The following A4GNT variants were observed in gnomAD, a reference collection of about 807,000 sequenced individuals.
The protein encoded by A4GNT is alpha-1,4-N-acetylglucosaminyltransferase.
In A4GNT, 6 loss-of-function variants were observed where a neutral mutation model predicts 8.3. The ratio of observed to expected loss-of-function variants is 0.72; its 90% CI spans 0.39 to 1.42. The LOEUF is 1.42. Among genes scored for constraint, A4GNT ranks in the 40% most tolerant of loss-of-function variants. A4GNT has a pLI of 0.02. For synonymous variants in A4GNT, 157 were observed against 159.8 expected (o/e 0.98, Z 0.13); for missense variants, 377 against 417.0 (o/e 0.90, Z 0.84).
intron 2 of A4GNT, 56 bp downstream of exon 2, chr3:138,130,793 C>A: frequency 6.4e-7 from 1 of 1,562,562 alleles, no homozygotes; most frequent in East Asian, 2.2e-5. Flanking sequence ...AGTCCTTACC[C>A]TCAGTTTACC....
rs2042735355 is a variant in A4GNT at position 138,124,746 on chromosome 3, A to T, written c.541T>A (p.Phe181Ile). The change falls in exon 3 of 3, where the codon TTT becomes ATT. Residue 181 changes from phenylalanine (F) to isoleucine (I), a missense_variant. Coordinates refer to ENST00000236709, the MANE Select transcript of A4GNT (RefSeq NM_016161.3). Reference protein sequence around the residue: ...ISIRPIPEENFLAAQASRYSS... With the variant: ...ISIRPIPEENILAAQASRYSS... ...TACCGAGAAGCCTGCGCAGCCAAAA[A>T]GTTCTCCTCAGGGATGGGCCTGATG... 6.2e-7 allele frequency: 1 copy of T among 1,614,202 alleles called. No homozygotes were observed. The highest frequency in any genetic ancestry group is 8.5e-7 in the Non-Finnish European group (1 of 1,180,034).
intron 1 of A4GNT, among the ~76,000 whole-genome samples, chr3:138,131,611 TG>T (rs1176988881): frequency 6.6e-6 from 1 of 151,816 alleles, no homozygotes; most frequent in East Asian, 1.9e-4. Flanking sequence ...GAAAGAAAAA[TG>T]CATCATAACC....
intron 1 of A4GNT, among the ~76,000 whole-genome samples, chr3:138,131,563 T>TA (rs1208227609): frequency 2.7e-5 from 4 of 147,442 alleles, no homozygotes; most frequent in East Asian, 2.0e-4. Flanking sequence ...CACAAAAATT[T>TA]AAAAAAAAAG....
At chr3:138,128,750 C>T (rs1576522927) in intron 2 of A4GNT, among the ~76,000 whole-genome samples, 1 of 152,202 alleles carries the variant, frequency 6.6e-6, no homozygotes, top group East Asian at 1.9e-4. Context: ...GCCACAAAGA[C>T]CAAGCTGGGG....
rs2042730467 is a variant in A4GNT at position 138,124,183 on chromosome 3, G to A, written c.*81C>T. 1 of 1,532,956 alleles carries A rather than the reference G, an allele frequency of 6.5e-7. No homozygotes were observed. The highest frequency in any genetic ancestry group is 8.8e-7 in the Non-Finnish European group (1 of 1,136,160). The allele number at this position is 1,532,956 out of a possible 1,614,324, so 95.0% of individuals were successfully genotyped here. On this transcript the variant is annotated 3_prime_UTR_variant, in exon 3 of 3. Coordinates refer to ENST00000236709, the MANE Select transcript of A4GNT (RefSeq NM_016161.3). ...CAACCCTCTGCCCACCCCGCCAAGA[G>A]ACAGTGGAGATCAAGTGAAAATGTG...
chr3:138,127,118 C>CAAAAAAAAAAAA (rs898641661), intron 2 of A4GNT, among the ~76,000 whole-genome samples: 1 of 34,076 alleles, frequency 2.9e-5, no homozygotes, highest in Non-Finnish European at 6.8e-5. Flanking sequence ...GACTCCATCT[C>CAAAAAAAAAAAA]AAAAAAAAAA....
chr3:138,132,838 A>G (rs896466100), upstream of A4GNT, among the ~76,000 whole-genome samples: 2 of 152,244 alleles, frequency 1.3e-5, no homozygotes, highest in African/African-American at 4.8e-5. Flanking sequence ...CCAAAGGCCC[A>G]GTGATCTAGA....
chr3:138,130,506 G>GA (rs146157613), intron 2 of A4GNT, among the ~76,000 whole-genome samples: 50 of 147,150 alleles, frequency 3.4e-4, no homozygotes, highest in African/African-American at 1.0e-3. Context: ...CACTTTAGGT[G>GA]AAAAAAAAAA....
intron 2 of A4GNT, among the ~76,000 whole-genome samples, chr3:138,127,435 A>G (rs1403563505): frequency 2.0e-5 from 3 of 151,784 alleles, no homozygotes; most frequent in Admixed American, 1.3e-4. Flanking sequence ...TTAGCTGGGC[A>G]TGGTGGTGCG....
At chr3:138,131,975 T>C (rs997820952) in intron 1 of A4GNT, among the ~76,000 whole-genome samples, 2 of 152,148 alleles carry the variant, frequency 1.3e-5, no homozygotes, top group Admixed American at 1.3e-4. Flanking sequence ...TTGTAACCAA[T>C]GCAATAAAAC....
rs527276076 is a variant in A4GNT at position 138,123,961 on chromosome 3, G to A, written c.*303C>T. On this transcript the variant is annotated 3_prime_UTR_variant, in exon 3 of 3. Transcript: ENST00000236709. ...TGCAATGTAAGAGAAAGTGTTATACGGTACTTGCAGGAAGTCTTCACAAAA... is the reference window on the plus strand; with the variant it reads ...TGCAATGTAAGAGAAAGTGTTATACAGTACTTGCAGGAAGTCTTCACAAAA... The A allele has an allele frequency of 3.1e-5, 10 of 319,736 alleles. No homozygotes were observed. Among genetic ancestry groups the A allele is most frequent in the Admixed American group, 1.4e-4 (3 of 21,674 alleles). The allele number at this position is 319,736 out of a possible 1,614,324, so 19.8% of individuals were successfully genotyped here. A position where few individuals can be genotyped will look rare whatever the true frequency, so the allele number is the denominator to read the frequency against.
Position 138,127,591 on chromosome 3 carries a change from A to T in A4GNT, c.409-2713T>A, listed in dbSNP as rs375478175. On this transcript the variant is annotated intron_variant, in intron 2 of 2. Transcript: ENST00000236709. ...TCCGTCTCAAAAAAAAAAAAAACAAAAAACATAAGCGCTCCAATAAGGATG... is the reference window on the plus strand; with the variant it reads ...TCCGTCTCAAAAAAAAAAAAAACAATAAACATAAGCGCTCCAATAAGGATG... Among the ~76,000 whole-genome samples the T allele has an allele frequency of 3.9e-4, 59 of 152,126 alleles. No individual in the cohort carries two copies. The East Asian group carries it at 9.1e-3, about 23-fold the overall frequency.
chr3:138,124,090 T>C lies in A4GNT; in HGVS notation c.*174A>G. ...AAATGGACCATGGGTGTATGTTTTA[T>C]AGCCAGTATCATTTGGGATTTTTCT... On this transcript the variant is annotated 3_prime_UTR_variant, in exon 3 of 3. Transcript: ENST00000236709. 1 of 825,372 alleles carries C rather than the reference T, an allele frequency of 1.2e-6. No individual in the cohort carries two copies. The highest frequency in any genetic ancestry group is 1.8e-6 in the Non-Finnish European group (1 of 546,894). 51.1% of individuals were successfully genotyped at this position (825,372 alleles called of 1,614,324 possible). A position where few individuals can be genotyped will look rare whatever the true frequency, so the allele number is the denominator to read the frequency against.
rs201675669 is a variant in A4GNT, at chr3:138,131,064, G to T, written c.193C>A (p.His65Asn). The change falls in exon 2 of 3, where the codon CAT (histidine) becomes AAT (asparagine). Residue 65 changes from histidine to asparagine, a missense_variant. Coordinates refer to ENST00000236709, the MANE Select transcript of A4GNT (RefSeq NM_016161.3). Reference protein sequence around the residue: ...LETSERMEPPHLVSCSVESAA... With the variant: ...LETSERMEPPNLVSCSVESAA... ...GACTCTACGGAACAGGAGACCAAAT[G>T]GGGTGGCTCCATTCTCTCTGAGGTC... The T allele has an allele frequency of 7.4e-6, 12 of 1,613,810 alleles. No homozygotes were observed. Among genetic ancestry groups the T allele is most frequent in the Non-Finnish European group, 9.3e-6 (11 of 1,179,762 alleles).
chr3:138,124,079 T>C lies in A4GNT; in HGVS notation c.*185A>G. ...GTCAAGCAGTCAAATGGACCATGGG[T>C]GTATGTTTTATAGCCAGTATCATTT... On this transcript the variant is annotated 3_prime_UTR_variant, in exon 3 of 3. Coordinates refer to ENST00000236709, the MANE Select transcript of A4GNT (RefSeq NM_016161.3). The C allele has an allele frequency of 1.4e-6, 1 of 735,024 alleles. No individual in the cohort carries two copies. The highest frequency in any genetic ancestry group is 2.1e-6 in the Non-Finnish European group (1 of 471,672). 45.5% of individuals were successfully genotyped at this position (735,024 alleles called of 1,614,324 possible). A position where few individuals can be genotyped will look rare whatever the true frequency, so the allele number is the denominator to read the frequency against.
At chr3:138,127,000 TG>T (rs1475733621) in intron 2 of A4GNT, among the ~76,000 whole-genome samples, 1 of 139,248 alleles carries the variant, frequency 7.2e-6, no homozygotes, top group Non-Finnish European at 1.5e-5. Context: ...GGCATGGTGG[TG>T]GGCACCTGTA....
Position 138,124,695 on chromosome 3 carries a change from G to A in A4GNT, c.592C>T (p.Leu198Phe), listed in dbSNP as rs149488891. 52 of 1,614,108 alleles carry A rather than the reference G, an allele frequency of 3.2e-5. No individual in the cohort carries two copies. Among genetic ancestry groups the A allele is most frequent in the Admixed American group, 2.5e-4 (15 of 60,010 alleles). ...TCCCACAAAAAGGGGTGGTGGGGGA[G>A]GAACCCAAATATTCCATTACTAGAG... ...RYSSNGIFGF[L>F]PHHPFLWECM... Residue 198 changes from leucine (L) to phenylalanine (F), a missense_variant, in exon 3 of 3, where the codon CTC becomes TTC. Coordinates refer to ENST00000236709, the MANE Select transcript of A4GNT (RefSeq NM_016161.3).
At chr3:138,127,930 G>A (rs1426912333) in intron 2 of A4GNT, among the ~76,000 whole-genome samples, 2 of 152,174 alleles carry the variant, frequency 1.3e-5, no homozygotes, top group Admixed American at 6.5e-5. Flanking sequence ...ACACTTAGGA[G>A]CTCTCTAGCT....
At chr3:138,130,719 A>G in intron 2 of A4GNT, 130 bp downstream of exon 2, 1 of 917,376 alleles carries the variant, frequency 1.1e-6, no homozygotes, top group Middle Eastern at 3.0e-4. Context: ...AGTTCTCAAC[A>G]TGGTAAAAAG....
Sources: gnomAD v4.1 joint callset for allele counts (sites outside exome capture counted in the v4.1 genomes callset) on GRCh38, gnomAD v4.1.1 for gene constraint, MANE v1.5 for transcripts, NCBI Gene and HGNC (gene_info 2026-07-23, HGNC 2026-07-21) for gene names.